Variants in ADGRL4 observed in about 807,000 individuals in gnomAD.
ADGRL4 encodes adhesion G protein-coupled receptor L4, also known as EGF, latrophilin and seven transmembrane domain containing 1.
In ADGRL4, 90 loss-of-function variants were observed where a neutral mutation model predicts 74.8. That is an observed-to-expected ratio of 1.20 (90% confidence interval 1.02 to 1.43). The LOEUF (loss-of-function observed/expected upper bound fraction) is 1.43. ADGRL4 is among the 40% of genes most tolerant of loss of function. The pLI, the probability that ADGRL4 is intolerant of heterozygous loss-of-function variation, is 0.00. For synonymous variants in ADGRL4, 311 were observed against 279.2 expected (o/e 1.11, Z -1.14); for missense variants, 881 against 814.3 (o/e 1.08, Z -1.00).
chr1:78,925,969 CCTT>C (rs532674674), intron 8 of ADGRL4, among the ~76,000 whole-genome samples: 38 of 152,154 alleles, frequency 2.5e-4, no homozygotes, highest in African/African-American at 9.1e-4. Flanking sequence ...CAATTTCACA[CCTT>C]CTTTTTCCCT....
intron 2 of ADGRL4, among the ~76,000 whole-genome samples, chr1:78,949,019 T>G (rs1649669169): frequency 1.3e-5 from 2 of 152,138 alleles, no homozygotes; most frequent in Non-Finnish European, 2.9e-5. Flanking sequence ...TTGACTCCCT[T>G]CATGGCATAC....
At chr1:78,899,606 AG>A (rs1286949208) in intron 12 of ADGRL4, among the ~76,000 whole-genome samples, 1 of 152,130 alleles carries the variant, frequency 6.6e-6, no homozygotes, top group Non-Finnish European at 1.5e-5. Flanking sequence ...CTGTCCACCT[AG>A]GTCTCCCAAA....
At chr1:78,982,702 A>G (rs1650421061) in intron 2 of ADGRL4, among the ~76,000 whole-genome samples, 1 of 151,932 alleles carries the variant, frequency 6.6e-6, no homozygotes, top group African/African-American at 2.4e-5. Context: ...ATGTACTCTT[A>G]GAAGATAAAA....
intron 12 of ADGRL4, among the ~76,000 whole-genome samples, chr1:78,893,737 C>T (rs536865728): frequency 2.0e-5 from 3 of 151,884 alleles, no homozygotes; most frequent in Admixed American, 6.6e-5. Context: ...TTGATTTAAC[C>T]GTGGATGCTT....
At chr1:78,992,536 A>G (rs911846422) in intron 2 of ADGRL4, among the ~76,000 whole-genome samples, 1 of 152,088 alleles carries the variant, frequency 6.6e-6, no homozygotes, top group African/African-American at 2.4e-5. Context: ...TTTGTTCCCT[A>G]TAGTCCAACA....
At chr1:78,941,394 C>T (rs1048029388) in intron 3 of ADGRL4, among the ~76,000 whole-genome samples, 22 of 152,076 alleles carry the variant, frequency 1.4e-4, no homozygotes, top group Non-Finnish European at 2.2e-4. Context: ...GAAAACACCC[C>T]AATGAAAGTG....
In ADGRL4 at chr1:78,993,746, A is replaced by AT. The variant is rs200734646; in HGVS notation, c.172+11323dup. Among the ~76,000 whole-genome samples, 258 of 151,048 alleles carry AT rather than the reference A, an allele frequency of 1.7e-3. 3 individuals are homozygous for AT. Among genetic ancestry groups the AT allele is most frequent in the African/African-American group, 5.9e-3 (244 of 41,200 alleles). On this transcript the variant is annotated intron_variant, in intron 2 of 14. Coordinates refer to ENST00000370742, the MANE Select transcript of ADGRL4 (RefSeq NM_022159.4). ...ACCATGCTCGGCTAATTTTTTTTGT[A>AT]TTTTTTTTAGTAGAGACGGGGTTTC...
chr1:78,927,068 A>G lies in ADGRL4; in HGVS notation c.901T>C (p.Tyr301His). Reference sequence around the variant, plus strand: ...AGCAAAGGACCAATACTCTTATAATATACAAATGCAACTGCAACATTGCCT... The same window carrying G: ...AGCAAAGGACCAATACTCTTATAATGTACAAATGCAACTGCAACATTGCCT... ...SNGNVAVAFV[Y>H]YKSIGPLLSS... The change falls in exon 8 of 15, where the codon TAT becomes CAT. Residue 301 changes from tyrosine to histidine, a missense_variant. Transcript: ENST00000370742. The G allele has an allele frequency of 3.7e-6, 6 of 1,601,408 alleles. No homozygotes were observed. The highest frequency in any genetic ancestry group is 5.1e-6 in the Non-Finnish European group (6 of 1,170,690).
chr1:78,909,089 G>A (rs1002855384), intron 12 of ADGRL4, among the ~76,000 whole-genome samples: 4 of 151,874 alleles, frequency 2.6e-5, no homozygotes, highest in African/African-American at 9.7e-5. Context: ...ATGGATAAAG[G>A]TTAGAGTATT....
At chr1:78,921,835 A>G (rs777484743) in intron 8 of ADGRL4, 49 bp from the exon 9 acceptor site, 1 of 1,103,280 alleles carries the variant, frequency 9.1e-7, no homozygotes, top group Admixed American at 3.0e-5. Flanking sequence ...AGTTACATAC[A>G]TAGTATTGTT....
At chr1:78,892,121 G>T (rs930254938) in intron 13 of ADGRL4, among the ~76,000 whole-genome samples, 2 of 152,214 alleles carry the variant, frequency 1.3e-5, no homozygotes, top group South Asian at 4.1e-4. Context: ...GTGGACTGGG[G>T]TCAGCACATA....
At chr1:78,921,897 A>C in intron 8 of ADGRL4, 111 bp from the exon 9 acceptor site, 1 of 520,226 alleles carries the variant, frequency 1.9e-6, no homozygotes, top group Non-Finnish European at 3.1e-6. Flanking sequence ...CTTAACAGTG[A>C]AACACAAAAC....
chr1:78,938,175 A>C lies in ADGRL4; in HGVS notation c.501T>G (p.Ala167=). ...TDIITYIEIL[A]ESSSLLGYKN... ...TGTAACCTAGTAATGAAGATGATTC[A>C]GCTAATATTTCTATATATGTAATTA... The change falls in exon 5 of 15, where the codon GCT becomes GCG. Residue 167 remains alanine (A), a synonymous_variant. Coordinates refer to ENST00000370742, the MANE Select transcript of ADGRL4 (RefSeq NM_022159.4). 2 of 1,612,670 alleles carry C rather than the reference A, an allele frequency of 1.2e-6. No individual in the cohort carries two copies. The highest frequency in any genetic ancestry group is 1.7e-6 in the Non-Finnish European group (2 of 1,179,440).
chr1:79,001,862 T>C (rs1275265015), intron 2 of ADGRL4, among the ~76,000 whole-genome samples: 1 of 152,174 alleles, frequency 6.6e-6, no homozygotes, highest in Non-Finnish European at 1.5e-5. Context: ...TGGTATTTTA[T>C]CATAGAGGAA....
At chr1:78,897,128 G>T (rs1648415145) in intron 12 of ADGRL4, among the ~76,000 whole-genome samples, 2 of 151,988 alleles carry the variant, frequency 1.3e-5, no homozygotes, top group Admixed American at 1.3e-4. Context: ...TTACTGTTTT[G>T]TACAATGCAA....
chr1:78,918,076 A>C, intron 10 of ADGRL4, 26 bp from the exon 11 acceptor site: 3 of 1,518,968 alleles, frequency 2.0e-6, no homozygotes, highest in Non-Finnish European at 2.7e-6. Context: ...AAAAAAAAAA[A>C]CATTGTCAGT....
chr1:78,956,859 A>T (rs1649844850), intron 2 of ADGRL4, among the ~76,000 whole-genome samples: 1 of 152,098 alleles, frequency 6.6e-6, no homozygotes, highest in African/African-American at 2.4e-5. Context: ...ACTAAGCCTC[A>T]CTTTATTGTA....
At position 79,006,629 on chromosome 1, in the gene ADGRL4, T is replaced by G; in HGVS notation, c.22+4A>C. 3.3e-6 allele frequency: 5 copies of G among 1,532,592 alleles called. No homozygotes were observed. The highest frequency in any genetic ancestry group is 4.4e-6 in the Non-Finnish European group (5 of 1,140,536). The allele number at this position is 1,532,592 out of a possible 1,614,324, so 94.9% of individuals were successfully genotyped here. A position where few individuals can be genotyped will look rare whatever the true frequency, so the allele number is the denominator to read the frequency against. On this transcript the variant is annotated splice_donor_region_variant and intron_variant, in intron 1 of 14. Transcript: ENST00000370742. Reference sequence around the variant, plus strand: ...CTCGGCGACCAGGGGCGCTGAGCACTCACCTAGGAGCGGGAGGCGTTTCAT... The same window carrying G: ...CTCGGCGACCAGGGGCGCTGAGCACGCACCTAGGAGCGGGAGGCGTTTCAT...
rs373243937 is a variant in ADGRL4, at chr1:78,893,438, A to G, written c.1750-249T>C. Among the ~76,000 whole-genome samples, 16 of 151,922 alleles carry G rather than the reference A, an allele frequency of 1.1e-4. 1 individual carries two copies. In the East Asian group the frequency reaches 2.5e-3, roughly 24 times the overall value. ...ATCATCTGCTGCCACTAATATGATTAATATATACATTAAGTTAAATTTTGG... is the reference window on the plus strand; with the variant it reads ...ATCATCTGCTGCCACTAATATGATTGATATATACATTAAGTTAAATTTTGG... On this transcript the variant is annotated intron_variant, in intron 12 of 14. Transcript: ENST00000370742.
Sources: gnomAD v4.1 joint callset for allele counts (sites outside exome capture counted in the v4.1 genomes callset) on GRCh38, gnomAD v4.1.1 for gene constraint, MANE v1.5 for transcripts, NCBI Gene and HGNC (gene_info 2026-07-23, HGNC 2026-07-21) for gene names.